Variants in TANC2 observed in about 807,000 individuals in gnomAD.
TANC2 encodes the protein tetratricopeptide repeat, ankyrin repeat and coiled-coil containing 2, also known as protein TANC2.
In TANC2, 26 loss-of-function variants were observed where a neutral mutation model predicts 210.5. The observed-to-expected ratio is 0.12, with a 90% CI of 0.09 to 0.17. The LOEUF is 0.17. Ranked by LOEUF, TANC2 falls within the 10% of genes least tolerant of loss-of-function variation. The pLI is 1.00. For synonymous variants in TANC2, 931 were observed against 967.1 expected, an observed-to-expected ratio of 0.96 and a Z score of 0.69; for missense variants, 2,129 against 2,608.9, an observed-to-expected ratio of 0.82 and a Z score of 4.01.
chr17:63,410,765 G>C (rs983761525), intron 21 of TANC2, among the ~76,000 whole-genome samples: 10 of 149,058 alleles, frequency 6.7e-5, no homozygotes, highest in Admixed American at 2.7e-4. Flanking sequence ...GGAGGCTGAG[G>C]CAGGAGAATT....
chr17:63,412,552 G>A lies in TANC2; in HGVS notation c.3899-128G>A. 1.2e-6 allele frequency: 1 copy of A among 868,138 alleles called. No homozygotes were observed. The highest frequency in any genetic ancestry group is 1.8e-6 in the Non-Finnish European group (1 of 552,990). 53.8% of individuals were successfully genotyped at this position (868,138 alleles called of 1,614,324 possible). A position where few individuals can be genotyped will look rare whatever the true frequency, so the allele number is the denominator to read the frequency against. ...CCAAGCCCACAGACCTATAGACGAG[G>A]GTTGGCTGATATGCTGGCTTTGTGC... On this transcript the variant is annotated intron_variant, in intron 23 of 27. Coordinates refer to ENST00000689528, the Ensembl canonical transcript of TANC2. This position sits in a 1 kb window ranked among gnomAD's most constrained non-coding sequence, Gnocchi z 4.2.
intron 14 of TANC2, among the ~76,000 whole-genome samples, chr17:63,369,407 G>A (rs1433354004): frequency 2.6e-5 from 4 of 152,098 alleles, no homozygotes; most frequent in African/African-American, 9.7e-5. Flanking sequence ...GGAATGAGTG[G>A]TTTGGAATAG....
intron 5 of TANC2, among the ~76,000 whole-genome samples, chr17:63,170,317 C>G (rs907977623): frequency 6.6e-6 from 1 of 150,504 alleles, no homozygotes; most frequent in Non-Finnish European, 1.5e-5. Context: ...TGACTGTAGT[C>G]CCAGCTACTC....
chr17:63,420,106 T>TGCAGCAGCC lies in TANC2; in HGVS notation c.4377_4385dup (p.Gln1463_Pro1465dup). On this transcript the variant is annotated inframe_insertion, in exon 28 of 28. Coordinates refer to ENST00000689528, the Ensembl canonical transcript of TANC2. The surrounding 1 kb of genome is among the most constrained non-coding windows in gnomAD (Gnocchi z 4.2). ...AGAGTGGAAGAAGAGTGTAGACAGA[T>TGCAGCAGCC]GCAGCAGCCACAGCAGCCACCGCCG... is the stretch of plus-strand genomic sequence containing the variant. 1.9e-6 allele frequency: 3 copies of TGCAGCAGCC among 1,552,096 alleles called. No individual in the cohort carries two copies. Among genetic ancestry groups the TGCAGCAGCC allele is most frequent in the Non-Finnish European group, 2.6e-6 (3 of 1,147,200 alleles).
intron 9 of TANC2, among the ~76,000 whole-genome samples, chr17:63,274,308 G>A (rs2043807523): frequency 6.6e-6 from 1 of 151,874 alleles, no homozygotes; most frequent in Non-Finnish European, 1.5e-5. Flanking sequence ...GAGAGGTCAT[G>A]TGAGTCAACT....
chr17:63,040,724 G>A (rs2035153996), intron 2 of TANC2, among the ~76,000 whole-genome samples: 1 of 152,114 alleles, frequency 6.6e-6, no homozygotes, highest in Admixed American at 6.6e-5. Context: ...TTTATCTATG[G>A]CAGAGAGAGA....
At chr17:63,194,633 A>G (rs1187321784) in intron 6 of TANC2, among the ~76,000 whole-genome samples, 1 of 152,148 alleles carries the variant, frequency 6.6e-6, no homozygotes, top group Non-Finnish European at 1.5e-5. Context: ...TAAAACTAAT[A>G]TTTCTTTTTA....
chr17:63,116,311 T>C (rs553961825), intron 4 of TANC2, among the ~76,000 whole-genome samples: 3 of 152,348 alleles, frequency 2.0e-5, no homozygotes, highest in Non-Finnish European at 4.4e-5. Flanking sequence ...GAGAGTACCA[T>C]TACGACAATT....
At chr17:63,211,624 A>G (rs1399437985) in intron 7 of TANC2, among the ~76,000 whole-genome samples, 1 of 152,090 alleles carries the variant, frequency 6.6e-6, no homozygotes, top group Non-Finnish European at 1.5e-5. Flanking sequence ...CCACTTTCCC[A>G]GTAATACCTG....
At chr17:63,312,941 T>G (rs1224730315) in intron 9 of TANC2, among the ~76,000 whole-genome samples, 2 of 152,200 alleles carry the variant, frequency 1.3e-5, no homozygotes, top group African/African-American at 4.8e-5. Context: ...TAGCCTTTTT[T>G]AAATGCTCAG....
In TANC2 at chr17:63,289,414, C is replaced by T. The variant is rs2044319013; in HGVS notation, c.1159+21541C>T. Reference sequence around the variant, plus strand: ...TCAGTTTTGAAAGTTTCTGTTGATACATCCTCAAAATCAGAGATTCTTTAC... The same window carrying T: ...TCAGTTTTGAAAGTTTCTGTTGATATATCCTCAAAATCAGAGATTCTTTAC... On this transcript the variant is annotated intron_variant, in intron 9 of 27. Transcript: ENST00000689528. Among the ~76,000 whole-genome samples, 9 of 152,106 alleles carry T rather than the reference C, an allele frequency of 5.9e-5. No homozygotes were observed. In the South Asian group the frequency reaches 1.9e-3, roughly 32 times the overall value.
chr17:63,139,919 A>G (rs2039226825), intron 4 of TANC2, among the ~76,000 whole-genome samples: 1 of 152,110 alleles, frequency 6.6e-6, no homozygotes. Flanking sequence ...AGAAAGAAAT[A>G]CATGTTGGTA....
chr17:62,979,473 G>A (rs74456925), intron 1 of TANC2, among the ~76,000 whole-genome samples: 4,439 of 152,148 alleles, frequency 0.029, 81 homozygotes, highest in South Asian at 0.037. Flanking sequence ...TAGCAACTTC[G>A]TATGAGATTA....
rs528302354 is a variant in TANC2, at chr17:63,310,028, AT to A, written c.1160-4359del. ...GACTCAAAAAAGCACTAGAAAAAAA[AT>A]GTTAATGTTTTTATACTCTTGGATT... On this transcript the variant is annotated intron_variant, in intron 9 of 27. Transcript: ENST00000689528. 1.4e-4 allele frequency among the ~76,000 whole-genome samples: 22 copies of A among 152,340 alleles called. No individual in the cohort carries two copies. In the South Asian group the frequency reaches 3.9e-3, roughly 27 times the overall value.
intron 1 of TANC2, among the ~76,000 whole-genome samples, chr17:62,998,898 A>T (rs1209479775): frequency 1.3e-5 from 2 of 152,230 alleles, no homozygotes; most frequent in African/African-American, 4.8e-5. Context: ...AAATCCACAT[A>T]TATCAATATC....
intron 4 of TANC2, chr17:63,150,923 G>A (rs2039627690): frequency 1.3e-5 from 2 of 152,000 alleles, no homozygotes; most frequent in African/African-American, 4.8e-5. Flanking sequence ...AGAGAAATAA[G>A]GTAACAGACA....
At chr17:63,139,845 A>G (rs1294309345) in intron 4 of TANC2, among the ~76,000 whole-genome samples, 1 of 152,326 alleles carries the variant, frequency 6.6e-6, no homozygotes, top group South Asian at 2.1e-4. Context: ...TCAAGGCTGC[A>G]GCGAGCTGTG....
intron 12 of TANC2, among the ~76,000 whole-genome samples, chr17:63,349,641 T>C (rs1156794983): frequency 2.0e-5 from 3 of 152,168 alleles, no homozygotes; most frequent in Non-Finnish European, 4.4e-5. Flanking sequence ...CAGTGGCCTC[T>C]CCTGAACCAG....
intron 11 of TANC2, among the ~76,000 whole-genome samples, chr17:63,331,246 T>C (rs1035032375): frequency 6.6e-6 from 1 of 152,264 alleles, no homozygotes; most frequent in Non-Finnish European, 1.5e-5. Flanking sequence ...TTGCAACTTT[T>C]TGATATATAA....
Sources: allele counts gnomAD v4.1 joint callset (sites outside exome capture counted in the v4.1 genomes callset), GRCh38; gene constraint gnomAD v4.1.1; non-coding constraint Gnocchi (gnomAD v3.1); transcripts MANE v1.5; gene names NCBI Gene and HGNC (gene_info 2026-07-23, HGNC 2026-07-21).